Variants in PSMB9 observed in about 807,000 individuals in gnomAD.
PSMB9 encodes proteasome subunit beta type-9.
A neutral mutation model predicts 26.9 loss-of-function variants in PSMB9; 16 were observed. That is an observed-to-expected ratio of 0.59 (90% CI 0.40 to 0.90). PSMB9 has a LOEUF of 0.90. PSMB9 is among the 40% of genes least tolerant of loss of function. The pLI is 0.00. For synonymous variants in PSMB9, 91 were observed against 112.0 expected (o/e 0.81, Z 1.18); for missense variants, 253 against 292.2 (o/e 0.87, Z 0.98).
Position 32,859,597 on chromosome 6 carries a change from C to A in PSMB9, c.*65C>A. The stretch of plus-strand genomic sequence containing the variant: ...CTCTAGGGCCAAAACCTGGTATGGT[C>A]ATTGGGAAATGAGTGCTCAGGGAGA... On this transcript the variant is annotated 3_prime_UTR_variant, in exon 6 of 6. Coordinates refer to ENST00000374859, the MANE Select transcript of PSMB9 (RefSeq NM_002800.5). 3.2e-6 allele frequency: 5 copies of A among 1,561,730 alleles called. No individual in the cohort carries two copies. Among genetic ancestry groups the A allele is most frequent in the Non-Finnish European group, 4.4e-6 (5 of 1,145,276 alleles).
At chr6:32,857,227 GT>G (rs1192625913) in intron 2 of PSMB9, 35 bp from the exon 3 acceptor site, 2 of 1,385,008 alleles carry the variant, frequency 1.4e-6, no homozygotes, top group East Asian at 2.5e-5. Flanking sequence ...AAAAACCTGA[GT>G]TTTAACTTGG....
chr6:32,857,075 C>G, intron 2 of PSMB9, 188 bp from the exon 3 acceptor site: 1 of 506,256 alleles, frequency 2.0e-6, no homozygotes, highest in Non-Finnish European at 3.3e-6. Flanking sequence ...TGGTGGGTGC[C>G]TGTAATCCCA....
chr6:32,856,121 A>G lies in PSMB9; in HGVS notation c.61-17A>G. On this transcript the variant is annotated splice_polypyrimidine_tract_variant and intron_variant, in intron 1 of 5. Coordinates refer to ENST00000374859, the MANE Select transcript of PSMB9 (RefSeq NM_002800.5). ...GGCTGTTCTTGCCCTGACATTCCAT[A>G]TTCTGTGTCTCTGCAGACCACCATC... 1 of 1,610,290 alleles carries G rather than the reference A, an allele frequency of 6.2e-7. No homozygotes were observed. Among genetic ancestry groups the G allele is most frequent in the Non-Finnish European group, 8.5e-7 (1 of 1,177,646 alleles).
intron 2 of PSMB9, 139 bp from the exon 3 acceptor site, chr6:32,857,124 A>C: frequency 1.1e-6 from 1 of 883,436 alleles, no homozygotes; most frequent in Admixed American, 3.4e-5. Context: ...CACTTGAACC[A>C]GGGAGGCGAA....
intron 1 of PSMB9, among the ~76,000 whole-genome samples, chr6:32,855,498 T>C (rs1224211209): frequency 3.9e-5 from 6 of 152,230 alleles, no homozygotes; most frequent in Non-Finnish European, 8.8e-5. Context: ...TGCTGAGATA[T>C]GTATTTACCT....
intron 1 of PSMB9, among the ~76,000 whole-genome samples, chr6:32,855,074 A>G (rs767563721): frequency 6.6e-6 from 1 of 152,216 alleles, no homozygotes; most frequent in Non-Finnish European, 1.5e-5. Flanking sequence ...TCTATTCATG[A>G]TAAGTCGGTC....
chr6:32,854,422 G>A lies in PSMB9; in HGVS notation c.60+133G>A. 1.3e-6 allele frequency: 1 copy of A among 790,660 alleles called. No individual in the cohort carries two copies. The highest frequency in any genetic ancestry group is 1.9e-6 in the Non-Finnish European group (1 of 515,726). The allele number at this position is 790,660 out of a possible 1,614,324, so 49.0% of individuals were successfully genotyped here. A position where few individuals can be genotyped will look rare whatever the true frequency, so the allele number is the denominator to read the frequency against. On this transcript the variant is annotated intron_variant, in intron 1 of 5. Transcript: ENST00000374859. This position sits in a 1 kb window ranked among gnomAD's most constrained non-coding sequence, Gnocchi z 4.6. ...AGGGAGGTCGCCTGTAGCAGCCAGC[G>A]CTTGCAACCCGCAATGAGCATAGAG...
In PSMB9 at chr6:32,854,520, G is replaced by C. The variant is rs1423609184; in HGVS notation, c.60+231G>C. 2.0e-5 allele frequency among the ~76,000 whole-genome samples: 3 copies of C among 152,044 alleles called. No homozygotes were observed. In the East Asian group the frequency reaches 5.8e-4, roughly 29 times the overall value. ...GGCACGCGAGGCTGGTGGAAAAAGC[G>C]GGTGCTTTGACTCTTAGCTGGAAGC... On this transcript the variant is annotated intron_variant, in intron 1 of 5. Coordinates refer to ENST00000374859, the MANE Select transcript of PSMB9 (RefSeq NM_002800.5). The surrounding 1 kb of genome is among the most constrained non-coding windows in gnomAD (Gnocchi z 4.6).
intron 5 of PSMB9, 28 bp from the exon 6 acceptor site, chr6:32,859,377 C>T (rs1482469053): frequency 1.3e-6 from 2 of 1,589,402 alleles, no homozygotes; most frequent in Admixed American, 1.8e-5. Flanking sequence ...CCTCTCTCTC[C>T]CTCTCTCCAA....
In PSMB9 at chr6:32,858,329, T is replaced by C; in HGVS notation, c.391-35T>C. On this transcript the variant is annotated intron_variant, in intron 4 of 5. Coordinates refer to ENST00000374859, the MANE Select transcript of PSMB9 (RefSeq NM_002800.5). The surrounding 1 kb of genome is among the most constrained non-coding windows in gnomAD (Gnocchi z 5.2). ...TAATGTCTCAGTGGGAAGGAAGGGC[T>C]TGATGATTCTTTAACCTGAGGATCC... 1 of 1,612,634 alleles carries C rather than the reference T, an allele frequency of 6.2e-7. No homozygotes were observed. Among genetic ancestry groups the C allele is most frequent in the Non-Finnish European group, 8.5e-7 (1 of 1,179,830 alleles).
At chr6:32,857,543 C>G (rs1241960218) in intron 3 of PSMB9, 149 bp downstream of exon 3, 1 of 1,009,876 alleles carries the variant, frequency 9.9e-7, no homozygotes, top group African/African-American at 1.6e-5. Context: ...CTGTCAGTTT[C>G]TGCATCTGTA....
In PSMB9 at chr6:32,857,161, A is replaced by G. The variant is rs953832891; in HGVS notation, c.129-102A>G. On this transcript the variant is annotated intron_variant, in intron 2 of 5. Coordinates refer to ENST00000374859, the MANE Select transcript of PSMB9 (RefSeq NM_002800.5). ...TTTGCAGTGAGCCCAAGATTGATCC[A>G]CTGCACTCCAGCCTGGGTGACAGAG... 5.2e-6 allele frequency: 7 copies of G among 1,348,212 alleles called. No homozygotes were observed. In the African/African-American group the frequency reaches 7.7e-5, roughly 15 times the overall value. 83.5% of individuals were successfully genotyped at this position (1,348,212 alleles called of 1,614,324 possible). A position where few individuals can be genotyped will look rare whatever the true frequency, so the allele number is the denominator to read the frequency against.
chr6:32,857,255 C>T lies in PSMB9; in HGVS notation c.129-8C>T. The T allele has an allele frequency of 6.3e-7, 1 of 1,592,550 alleles. No individual in the cohort carries two copies. Among genetic ancestry groups the T allele is most frequent in the Non-Finnish European group, 8.6e-7 (1 of 1,169,290 alleles). On this transcript the variant is annotated splice_polypyrimidine_tract_variant and splice_region_variant and intron_variant, in intron 2 of 5. Coordinates refer to ENST00000374859, the MANE Select transcript of PSMB9 (RefSeq NM_002800.5). ...TTAACTTGGTGACTGTTGACTCCCT[C>T]CTGACAGCGAGGCGGTGGTGAACCG... is the stretch of plus-strand genomic sequence containing the variant.
At chr6:32,859,339 A>G in intron 5 of PSMB9, 66 bp from the exon 6 acceptor site, 1 of 1,515,960 alleles carries the variant, frequency 6.6e-7, no homozygotes, top group Non-Finnish European at 8.9e-7. Context: ...ATGGAGGGGG[A>G]GTAAAAAGAT....
chr6:32,858,941 A>T lies in PSMB9; in HGVS notation c.532+436A>T. 1 of 261,034 alleles carries T rather than the reference A, an allele frequency of 3.8e-6. No homozygotes were observed. Among genetic ancestry groups the T allele is most frequent in the South Asian group, 4.7e-5 (1 of 21,272 alleles). The allele number at this position is 261,034 out of a possible 1,614,324, so 16.2% of individuals were successfully genotyped here. A position where few individuals can be genotyped will look rare whatever the true frequency, so the allele number is the denominator to read the frequency against. Reference sequence around the variant, plus strand: ...GTGGTGCACACCTGTAGTCCCAGCTACTCAGGAGGCTGAGGTGGAAAGATC... The same window carrying T: ...GTGGTGCACACCTGTAGTCCCAGCTTCTCAGGAGGCTGAGGTGGAAAGATC... On this transcript the variant is annotated intron_variant, in intron 5 of 5. Coordinates refer to ENST00000374859, the MANE Select transcript of PSMB9 (RefSeq NM_002800.5). The surrounding 1 kb of genome is among the most constrained non-coding windows in gnomAD (Gnocchi z 5.2).
At chr6:32,857,886 C>A in intron 3 of PSMB9, 119 bp from the exon 4 acceptor site, 1 of 1,181,250 alleles carries the variant, frequency 8.5e-7, no homozygotes, top group Non-Finnish European at 1.2e-6. Context: ...GGGAGGGAGG[C>A]TGCAGTTTGA....
At position 32,859,462 on chromosome 6, in the gene PSMB9, C is replaced by T. The variant is rs1463056453; in HGVS notation, c.590C>T (p.Thr197Ile). Residue 197 changes from threonine (T) to isoleucine (I), a missense_variant, in exon 6 of 6, where the codon ACT becomes ATT. Physicochemically the swap from Thr to Ile is moderately conservative, Grantham distance 89. Transcript: ENST00000374859. The part of the protein sequence containing the change: ...GSSGGVIYLV[T>I]ITAAGVDHRV... The stretch of plus-strand genomic sequence containing the variant: ...AGCGGGGGTGTCATCTACCTGGTCA[C>T]TATTACAGCTGCCGGTGTGGACCAT... 6.2e-7 allele frequency: 1 copy of T among 1,613,796 alleles called. No homozygotes were observed. The highest frequency in any genetic ancestry group is 8.5e-7 in the Non-Finnish European group (1 of 1,179,934).
At chr6:32,857,512 G>A (rs201281943) in intron 3 of PSMB9, 118 bp downstream of exon 3, 36 of 1,242,744 alleles carry the variant, frequency 2.9e-5, no homozygotes, top group Non-Finnish European at 3.5e-5. Flanking sequence ...GTCTTGTTTC[G>A]GCTCTTGCTG....
chr6:32,854,905 T>TGG lies in PSMB9; in HGVS notation c.60+621_60+622dup, dbSNP rs1456300756. The stretch of plus-strand genomic sequence containing the variant: ...TCCCTGCCCACTCCCATGTGCCCAC[T>TGG]GGGGGGACTTTGCTTAGGATGGGCG... On this transcript the variant is annotated intron_variant, in intron 1 of 5. Transcript: ENST00000374859. The surrounding 1 kb of genome is among the most constrained non-coding windows in gnomAD (Gnocchi z 4.6). Among the ~76,000 whole-genome samples, 1 of 152,088 alleles carries TGG rather than the reference T, an allele frequency of 6.6e-6. No individual in the cohort carries two copies. Among genetic ancestry groups the TGG allele is most frequent in the South Asian group, 2.1e-4 (1 of 4,834 alleles).
Sources: allele counts gnomAD v4.1 joint callset (sites outside exome capture counted in the v4.1 genomes callset), GRCh38; gene constraint gnomAD v4.1.1; non-coding constraint Gnocchi (gnomAD v3.1); transcripts MANE v1.5; gene names NCBI Gene and HGNC (gene_info 2026-07-23, HGNC 2026-07-21).